The following ESRRG variants were observed in gnomAD, a reference collection of about 807,000 sequenced individuals.
ESRRG encodes estrogen-related receptor gamma.
In ESRRG, 13 loss-of-function variants were observed where a neutral mutation model predicts 44.0. That is an observed-to-expected ratio of 0.30 (90% confidence interval 0.19 to 0.47). The LOEUF (loss-of-function observed/expected upper bound fraction) is 0.47. ESRRG is among the 20% of genes least tolerant of loss of function. The probability of loss-of-function intolerance (pLI) is 1.00; values close to 1 mark genes in which losing one functional copy is unlikely to be tolerated. For missense variants in ESRRG, 395 were observed against 580.6 expected, an observed-to-expected ratio of 0.68 and a Z score of 3.29; for synonymous variants, 215 against 214.6, an observed-to-expected ratio of 1.00 and a Z score of -0.02.
intron 1 of ESRRG, among the ~76,000 whole-genome samples, chr1:216,990,490 C>T (rs1396855133): frequency 1.3e-5 from 2 of 151,900 alleles, no homozygotes; most frequent in African/African-American, 4.8e-5. Context: ...ATAGTGTTGA[C>T]CCTTGAACAA....
At chr1:217,042,616 C>T (rs11117756) in intron 1 of ESRRG, among the ~76,000 whole-genome samples, 55,881 of 151,678 alleles carry the variant, frequency 0.37, 10,685 homozygotes, top group Non-Finnish European at 0.41. Context: ...GCCCCACAGG[C>T]CCATTCTAAA....
intron 1 of ESRRG, among the ~76,000 whole-genome samples, chr1:217,014,661 A>T (rs2079090156): frequency 6.6e-6 from 1 of 152,184 alleles, no homozygotes. Context: ...TATAAGCTCC[A>T]TCCTGGTGCT....
chr1:217,106,080 G>A (rs2092591052), intron 1 of ESRRG, among the ~76,000 whole-genome samples: 1 of 152,106 alleles, frequency 6.6e-6, no homozygotes, highest in African/African-American at 2.4e-5. Context: ...ACACTTAATT[G>A]CCATAAATAA....
At chr1:217,023,443 T>C (rs1229301867) in intron 1 of ESRRG, among the ~76,000 whole-genome samples, 1 of 152,098 alleles carries the variant, frequency 6.6e-6, no homozygotes, top group Non-Finnish European at 1.5e-5. Flanking sequence ...TAGGAGAAGT[T>C]TGATGTGCCA....
chr1:217,133,828 A>G (rs889260094), intron 1 of ESRRG, among the ~76,000 whole-genome samples: 8 of 151,990 alleles, frequency 5.3e-5, no homozygotes, highest in African/African-American at 1.9e-4. Flanking sequence ...CCTCAACCAA[A>G]GAGCTGAGCG....
At chr1:216,758,293 C>T (rs552466279) in intron 2 of ESRRG, among the ~76,000 whole-genome samples, 82 of 152,104 alleles carry the variant, frequency 5.4e-4, no homozygotes, top group African/African-American at 1.7e-3. Context: ...GAAGGGCCTC[C>T]GTCTGTTTAA....
chr1:216,652,977 A>G (rs199793597), intron 2 of ESRRG, among the ~76,000 whole-genome samples: 1 of 105,392 alleles, frequency 9.5e-6, no homozygotes, highest in African/African-American at 2.8e-5. Context: ...AGAAAGAAAG[A>G]AAAAAAAAAG....
intron 5 of ESRRG, among the ~76,000 whole-genome samples, chr1:216,531,206 T>A (rs1311397504): frequency 6.6e-6 from 1 of 152,122 alleles, no homozygotes; most frequent in Non-Finnish European, 1.5e-5. Context: ...AACTCCACAC[T>A]CAAATAATAT....
chr1:217,128,547 G>T (rs1243769724), intron 1 of ESRRG, among the ~76,000 whole-genome samples: 1 of 152,042 alleles, frequency 6.6e-6, no homozygotes, highest in Non-Finnish European at 1.5e-5. Context: ...TTAAACAGAG[G>T]AGACTATTTG....
intron 1 of ESRRG, among the ~76,000 whole-genome samples, chr1:217,080,399 A>G (rs1038528667): frequency 6.6e-6 from 1 of 152,142 alleles, no homozygotes; most frequent in Non-Finnish European, 1.5e-5. Flanking sequence ...GTGGCCTTCC[A>G]GTGCTCATGC....
intron 5 of ESRRG, among the ~76,000 whole-genome samples, chr1:216,527,778 A>C (rs2048119034): frequency 6.6e-6 from 1 of 152,154 alleles, no homozygotes. Flanking sequence ...GGTAGCATCT[A>C]AGGGCACTTG....
intron 2 of ESRRG, among the ~76,000 whole-genome samples, chr1:216,878,037 T>C (rs2096384958): frequency 6.6e-6 from 1 of 152,248 alleles, no homozygotes; most frequent in South Asian, 2.1e-4. Context: ...AGTATGCATA[T>C]ACTGGCTACA....
intron 1 of ESRRG, among the ~76,000 whole-genome samples, chr1:216,696,812 C>T (rs1019071821): frequency 6.6e-6 from 1 of 151,932 alleles, no homozygotes; most frequent in Admixed American, 6.6e-5. Context: ...CTCACTGTGC[C>T]TCAGTCATCT....
At chr1:216,562,663 C>A (rs780158694) in intron 5 of ESRRG, among the ~76,000 whole-genome samples, 1 of 151,774 alleles carries the variant, frequency 6.6e-6, no homozygotes, top group Non-Finnish European at 1.5e-5. Flanking sequence ...TATCTCGTCC[C>A]AAATATCAAT....
intron 1 of ESRRG, among the ~76,000 whole-genome samples, chr1:216,693,204 T>C (rs2079413260): frequency 6.6e-6 from 1 of 152,258 alleles, no homozygotes; most frequent in Non-Finnish European, 1.5e-5. Context: ...CTCATAATAC[T>C]ATGAGCCTAT....
At chr1:216,653,558 A>T (rs924764312) in intron 2 of ESRRG, among the ~76,000 whole-genome samples, 1 of 152,122 alleles carries the variant, frequency 6.6e-6, no homozygotes, top group African/African-American at 2.4e-5. Context: ...TGTCCTTCAG[A>T]CTTTCCTCTG....
intron 3 of ESRRG, among the ~76,000 whole-genome samples, chr1:216,642,460 G>A (rs1399068141): frequency 6.6e-6 from 1 of 151,820 alleles, no homozygotes; most frequent in Non-Finnish European, 1.5e-5. Context: ...AACTTTTTGT[G>A]GTACCTTAAG....
intron 2 of ESRRG, among the ~76,000 whole-genome samples, chr1:216,813,851 A>T (rs2095051571): frequency 6.6e-6 from 1 of 152,238 alleles, no homozygotes; most frequent in Non-Finnish European, 1.5e-5. Context: ...CCCCTAGGAA[A>T]GAATTCTTAC....
chr1:216,679,444 T>C (rs898626604), intron 1 of ESRRG, among the ~76,000 whole-genome samples: 1 of 152,104 alleles, frequency 6.6e-6, no homozygotes, highest in African/African-American at 2.4e-5. Flanking sequence ...ACTTCACTTA[T>C]TACCTTATAA....
Sources: allele counts gnomAD v4.1 joint callset (sites outside exome capture counted in the v4.1 genomes callset), GRCh38; gene constraint gnomAD v4.1.1; transcripts MANE v1.5; gene names NCBI Gene and HGNC (gene_info 2026-07-23, HGNC 2026-07-21).